The following HS1BP3 variants were observed in gnomAD, a reference collection of about 807,000 sequenced individuals.
The protein encoded by HS1BP3 is HCLS1-binding protein 3.
In HS1BP3, 32 loss-of-function variants were observed where a neutral mutation model predicts 33.5. The observed-to-expected ratio is 0.95, with a 90% CI of 0.72 to 1.28. HS1BP3 has a LOEUF of 1.28. HS1BP3 is among the 50% of genes most tolerant of loss of function. HS1BP3 has a pLI of 0.00. For synonymous variants in HS1BP3, 187 were observed against 209.2 expected, an observed-to-expected ratio of 0.89 and a Z score of 0.92; for missense variants, 486 against 502.3, an observed-to-expected ratio of 0.97 and a Z score of 0.31.
rs1354918362 is a variant in HS1BP3, at chr2:20,638,588, G to A, written c.471C>T (p.Asp157=). 2.5e-6 allele frequency: 4 copies of A among 1,614,220 alleles called. No individual in the cohort carries two copies. The South Asian group carries it at 4.4e-5, about 18-fold the overall frequency. ...CCTCTTCATCATTCCCTGTCTGACT[G>A]TCTGTGCCATCCAGGACAGAGGAAT... ...SRDSSVLDGT[D]SQTGNDEEAF... The change falls in exon 4 of 7, where the codon GAC becomes GAT. Residue 157 remains aspartate (D), a synonymous_variant. Coordinates refer to ENST00000304031, the MANE Select transcript of HS1BP3 (RefSeq NM_022460.4).
intron 5 of HS1BP3, among the ~76,000 whole-genome samples, chr2:20,574,950 T>G (rs535177299): frequency 3.9e-5 from 6 of 152,334 alleles, no homozygotes; most frequent in African/African-American, 1.4e-4. Flanking sequence ...TCTGCATAAC[T>G]GGGATGATAA....
At chr2:20,633,916 G>A (rs182503318) in intron 4 of HS1BP3, among the ~76,000 whole-genome samples, 3 of 152,374 alleles carry the variant, frequency 2.0e-5, no homozygotes, top group South Asian at 2.1e-4. Context: ...CCTGCGTGAC[G>A]CTGCAGGGCA....
chr2:20,643,502 C>T (rs1695423350), intron 2 of HS1BP3, among the ~76,000 whole-genome samples: 1 of 152,236 alleles, frequency 6.6e-6, no homozygotes, highest in African/African-American at 2.4e-5. Flanking sequence ...ACTCTCAGAG[C>T]AATGCAGGCC....
intron 4 of HS1BP3, among the ~76,000 whole-genome samples, chr2:20,631,930 C>T (rs1175416035): frequency 6.6e-6 from 1 of 152,240 alleles, no homozygotes; most frequent in Admixed American, 6.5e-5. Flanking sequence ...TCTGCAGTAA[C>T]CTGCCCAGGA....
intron 4 of HS1BP3, 27 bp from the exon 5 acceptor site, chr2:20,624,919 G>T: frequency 6.2e-7 from 1 of 1,612,960 alleles, no homozygotes; most frequent in South Asian, 1.1e-5. Flanking sequence ...AAAGCACAAG[G>T]TGAGGATTTC....
intron 2 of HS1BP3, among the ~76,000 whole-genome samples, chr2:20,603,782 C>T (rs1694118137): frequency 6.6e-6 from 1 of 152,210 alleles, no homozygotes; most frequent in Non-Finnish European, 1.5e-5. Flanking sequence ...TAATGGAAGC[C>T]ACCATGCTTG....
chr2:20,608,530 C>T (rs914616935), intron 2 of HS1BP3, among the ~76,000 whole-genome samples: 3 of 142,088 alleles, frequency 2.1e-5, no homozygotes, highest in Non-Finnish European at 4.5e-5. Context: ...GCCATGATTG[C>T]ACCATTGCAC....
chr2:20,608,105 C>A (rs1282725643), intron 2 of HS1BP3, among the ~76,000 whole-genome samples: 2 of 152,098 alleles, frequency 1.3e-5, no homozygotes, highest in Non-Finnish European at 2.9e-5. Flanking sequence ...TCAACTTTGT[C>A]AAATTCATAT....
chr2:20,619,124 G>A lies in HS1BP3; in HGVS notation c.1042C>T (p.Pro348Ser), dbSNP rs372443182. Reference sequence around the variant, plus strand: ...ACAGCTTCAGCCGGGCCCGCTTTGGGGGGAACAGCTGGTTTTCTGGGTATC... The same window carrying A: ...ACAGCTTCAGCCGGGCCCGCTTTGGAGGGAACAGCTGGTTTTCTGGGTATC... ...PVIPRKPAVP[P>S]KAGPAEAVAG... The change falls in exon 7 of 7, where the codon CCC becomes TCC. Residue 348 changes from proline (P) to serine (S), a missense_variant. Physicochemically the swap from Pro to Ser is moderately conservative, Grantham distance 74. Transcript: ENST00000304031. The A allele has an allele frequency of 2.5e-6, 4 of 1,614,200 alleles. No homozygotes were observed. Among genetic ancestry groups the A allele is most frequent in the Non-Finnish European group, 3.4e-6 (4 of 1,180,022 alleles).
chr2:20,578,663 A>G (rs950243520), intron 5 of HS1BP3, among the ~76,000 whole-genome samples: 10 of 152,212 alleles, frequency 6.6e-5, no homozygotes, highest in Non-Finnish European at 2.9e-5. Context: ...GAGGACCACC[A>G]TTCACTGAGG....
chr2:20,595,523 G>A (rs1004391765), intron 3 of HS1BP3, among the ~76,000 whole-genome samples: 1 of 152,186 alleles, frequency 6.6e-6, no homozygotes, highest in Non-Finnish European at 1.5e-5. Context: ...GAGGGTTTCG[G>A]CTGGGCCTTG....
chr2:20,587,480 G>C (rs983698322), intron 5 of HS1BP3, among the ~76,000 whole-genome samples: 2 of 152,170 alleles, frequency 1.3e-5, no homozygotes, highest in South Asian at 4.1e-4. Flanking sequence ...TAGAGGTGAG[G>C]CTGGGAACCT....
downstream of HS1BP3, among the ~76,000 whole-genome samples, chr2:20,614,682 C>T (rs534631560): frequency 1.1e-4 from 17 of 152,208 alleles, no homozygotes; most frequent in Non-Finnish European, 1.6e-4. Flanking sequence ...GGCCAGTTGG[C>T]CTGGAGAGAG....
chr2:20,630,026 G>A (rs997869984), intron 4 of HS1BP3, among the ~76,000 whole-genome samples: 8 of 152,222 alleles, frequency 5.3e-5, no homozygotes, highest in African/African-American at 7.2e-5. Flanking sequence ...GCTCAGCACC[G>A]GGTGTACATG....
chr2:20,641,198 T>A lies in HS1BP3; in HGVS notation c.199-18A>T. On this transcript the variant is annotated intron_variant, in intron 2 of 6. Coordinates refer to ENST00000304031, the MANE Select transcript of HS1BP3 (RefSeq NM_022460.4). ...TTGGAGACCTGGAATGAGAGGAGCATGTGGTTTCCTGAGTGAAGAGTGGCA... is the reference window on the plus strand; with the variant it reads ...TTGGAGACCTGGAATGAGAGGAGCAAGTGGTTTCCTGAGTGAAGAGTGGCA... The A allele has an allele frequency of 6.3e-7, 1 of 1,594,838 alleles. No homozygotes were observed. Among genetic ancestry groups the A allele is most frequent in the Non-Finnish European group, 8.5e-7 (1 of 1,175,140 alleles).
chr2:20,589,784 T>C (rs950470733), downstream of HS1BP3, among the ~76,000 whole-genome samples: 2 of 151,984 alleles, frequency 1.3e-5, no homozygotes, highest in African/African-American at 4.8e-5. Flanking sequence ...CTTGCAGCTA[T>C]AGGACCCAGA....
intron 5 of HS1BP3, among the ~76,000 whole-genome samples, chr2:20,574,443 T>C (rs1693351167): frequency 6.6e-6 from 1 of 152,224 alleles, no homozygotes; most frequent in African/African-American, 2.4e-5. Flanking sequence ...GCAAGTGTCT[T>C]ATCCATGGCT....
intron 1 of HS1BP3, among the ~76,000 whole-genome samples, chr2:20,648,436 G>A (rs1183146221): frequency 6.6e-6 from 1 of 152,132 alleles, no homozygotes; most frequent in African/African-American, 2.4e-5. Flanking sequence ...TTTCTCCTCT[G>A]GTCTGACTTG....
downstream of HS1BP3, among the ~76,000 whole-genome samples, chr2:20,590,501 C>T (rs994067525): frequency 2.6e-5 from 4 of 152,228 alleles, no homozygotes; most frequent in Non-Finnish European, 5.9e-5. Context: ...CCCACAGCCT[C>T]GCTCCCCTTG....
Sources: allele counts gnomAD v4.1 joint callset (sites outside exome capture counted in the v4.1 genomes callset), GRCh38; gene constraint gnomAD v4.1.1; transcripts MANE v1.5; gene names NCBI Gene and HGNC (gene_info 2026-07-23, HGNC 2026-07-21).